The following PTPRG variants were observed in gnomAD, a reference collection of about 807,000 sequenced individuals.
PTPRG encodes the protein receptor-type tyrosine-protein phosphatase gamma.
In PTPRG, 102 loss-of-function variants were observed where a neutral mutation model predicts 165.3. The observed-to-expected ratio is 0.62, with a 90% CI of 0.53 to 0.73. PTPRG has a LOEUF of 0.73. PTPRG is among the 30% of genes least tolerant of loss of function. The pLI is 0.00. For synonymous variants in PTPRG, 675 were observed against 669.5 expected (o/e 1.01, Z -0.13); for missense variants, 1,866 against 1,861.4 (o/e 1.00, Z -0.05).
intron 1 of PTPRG, among the ~76,000 whole-genome samples, chr3:61,565,939 G>T (rs376031314): frequency 1.3e-5 from 2 of 151,640 alleles, no homozygotes; most frequent in Admixed American, 6.6e-5. Flanking sequence ...GATTGTACAG[G>T]TTTTTTTTCC....
rs192453285 is a variant in PTPRG at position 61,708,890 on chromosome 3, C to T, written c.86-39988C>T. 7.2e-5 allele frequency among the ~76,000 whole-genome samples: 11 copies of T among 152,294 alleles called. No individual in the cohort carries two copies. The East Asian group carries it at 9.6e-4, about 13-fold the overall frequency. On this transcript the variant is annotated intron_variant, in intron 1 of 29. Coordinates refer to ENST00000474889, the MANE Select transcript of PTPRG (RefSeq NM_002841.4). ...AAGGTGGTTTAGAGCCTTTCAGGGG[C>T]GCACTTGCCCTAAACCAAAATCAAA...
chr3:61,576,897 A>C (rs1700184240), intron 1 of PTPRG, among the ~76,000 whole-genome samples: 1 of 152,122 alleles, frequency 6.6e-6, no homozygotes, highest in Admixed American at 6.5e-5. Flanking sequence ...TCACTTGCTT[A>C]TTTTTCCTTC....
intron 8 of PTPRG, among the ~76,000 whole-genome samples, chr3:62,180,807 G>A (rs1464403903): frequency 6.6e-6 from 1 of 152,158 alleles, no homozygotes; most frequent in Non-Finnish European, 1.5e-5. Context: ...GTAGAAAAAA[G>A]AATCCAAGGA....
chr3:62,209,770 G>C (rs1023087179), intron 12 of PTPRG, among the ~76,000 whole-genome samples: 1 of 152,180 alleles, frequency 6.6e-6, no homozygotes, highest in Admixed American at 6.5e-5. Context: ...GGTCCTTGGA[G>C]TTTCTATTGC....
intron 6 of PTPRG, among the ~76,000 whole-genome samples, chr3:62,139,373 C>T (rs1053981142): frequency 9.2e-5 from 14 of 152,046 alleles, no homozygotes; most frequent in African/African-American, 3.1e-4. Context: ...GCAGGAGAAT[C>T]GCTTGAACCT....
At chr3:61,793,457 C>T (rs1176516343) in intron 2 of PTPRG, among the ~76,000 whole-genome samples, 2 of 152,164 alleles carry the variant, frequency 1.3e-5, no homozygotes, top group East Asian at 1.9e-4. Context: ...TGGCAACTTC[C>T]TGGCCTAGAA....
intron 1 of PTPRG, among the ~76,000 whole-genome samples, chr3:61,579,373 G>A (rs927355621): frequency 6.6e-6 from 1 of 152,208 alleles, no homozygotes; most frequent in African/African-American, 2.4e-5. Context: ...TTCACCAGGG[G>A]TGAGGGAGGG....
In PTPRG at chr3:61,968,948, CTG is replaced by C. The variant is rs772084612; in HGVS notation, c.191-20675_191-20674del. 5.3e-5 allele frequency among the ~76,000 whole-genome samples: 8 copies of C among 152,314 alleles called. No individual in the cohort carries two copies. The South Asian group carries it at 6.2e-4, about 12-fold the overall frequency. On this transcript the variant is annotated intron_variant, in intron 2 of 29. Transcript: ENST00000474889. Reference sequence around the variant, plus strand: ...TTTGAGACATGGTGTTGTCTGTACTCTGTACATTTTACTGAACAGATGATGTC... The same window carrying C: ...TTTGAGACATGGTGTTGTCTGTACTCTACATTTTACTGAACAGATGATGTC...
At chr3:61,833,978 G>T (rs1415183144) in intron 2 of PTPRG, among the ~76,000 whole-genome samples, 1 of 152,118 alleles carries the variant, frequency 6.6e-6, no homozygotes, top group African/African-American at 2.4e-5. Context: ...TACTTTATTG[G>T]CTTCAATTAG....
chr3:61,562,356 T>C lies in PTPRG; in HGVS notation c.69T>C (p.Tyr23=), dbSNP rs1170625687. 1.2e-6 allele frequency: 2 copies of C among 1,613,626 alleles called. No individual in the cohort carries two copies. Among genetic ancestry groups the C allele is most frequent in the Non-Finnish European group, 1.7e-6 (2 of 1,179,666 alleles). ...AAATCACCAGTTCCGTGCTCCATTA[T>C]GTCGTGTGCTTCCCCGGTGAGTGCC... ...FLKITSSVLH[Y]VVCFPALTEG... Residue 23 remains tyrosine (Y), a synonymous_variant, in exon 1 of 30, where the codon TAT becomes TAC. Transcript: ENST00000474889.
intron 2 of PTPRG, among the ~76,000 whole-genome samples, chr3:61,836,858 C>T (rs374566840): frequency 2.0e-5 from 3 of 150,508 alleles, no homozygotes; most frequent in East Asian, 3.9e-4. Context: ...AGTTCTCCTG[C>T]GTCAGCCTCC....
intron 2 of PTPRG, among the ~76,000 whole-genome samples, chr3:61,974,428 C>T (rs1436352845): frequency 1.3e-5 from 2 of 152,042 alleles, no homozygotes; most frequent in Non-Finnish European, 2.9e-5. Flanking sequence ...TGGCTGGTTC[C>T]TGTAATCCCA....
chr3:62,271,475 T>C lies in PTPRG; in HGVS notation c.3102T>C (p.Tyr1034=). 1 of 1,614,042 alleles carries C rather than the reference T, an allele frequency of 6.2e-7. No homozygotes were observed. Among genetic ancestry groups the C allele is most frequent in the Non-Finnish European group, 8.5e-7 (1 of 1,179,886 alleles). The change falls in exon 21 of 30, where the codon TAT becomes TAC. Residue 1034 remains tyrosine, a synonymous_variant. Coordinates refer to ENST00000474889, the MANE Select transcript of PTPRG (RefSeq NM_002841.4). The surrounding 1 kb of genome is among the most constrained non-coding windows in gnomAD (Gnocchi z 4.1). ...TQWPDMGVPE[Y]ALPVLTFVRR... is the part of the protein sequence containing the mutation. ...GGCCTGACATGGGAGTTCCCGAGTATGCCCTTCCAGTACTGACTTTCGTGA... is the reference window on the plus strand; with the variant it reads ...GGCCTGACATGGGAGTTCCCGAGTACGCCCTTCCAGTACTGACTTTCGTGA...
chr3:61,735,593 C>T lies in PTPRG; in HGVS notation c.86-13285C>T, dbSNP rs141357325. Among the ~76,000 whole-genome samples, 5 of 151,540 alleles carry T rather than the reference C, an allele frequency of 3.3e-5. No individual in the cohort carries two copies. In the East Asian group the frequency reaches 7.8e-4, roughly 24 times the overall value. ...CTACATTGATTGAATCAAACAAAGC[C>T]GATGAGAGGCCTGTGTTTGAGGGGG... On this transcript the variant is annotated intron_variant, in intron 1 of 29. Transcript: ENST00000474889.
intron 2 of PTPRG, among the ~76,000 whole-genome samples, chr3:61,867,515 A>C (rs1483907624): frequency 6.6e-6 from 1 of 152,010 alleles, no homozygotes; most frequent in African/African-American, 2.4e-5. Flanking sequence ...TGAGGCATGC[A>C]TTAAGCCCTT....
At chr3:61,801,591 G>GA (rs2035243562) in intron 2 of PTPRG, among the ~76,000 whole-genome samples, 1 of 152,058 alleles carries the variant, frequency 6.6e-6, no homozygotes, top group South Asian at 2.1e-4. Context: ...TGTCATAATG[G>GA]AAAAAATGGA....
In PTPRG at chr3:62,297,460, T is replaced by C. The variant is rs1299188859; in HGVS notation, c.*4153T>C. On this transcript the variant is annotated 3_prime_UTR_variant, in exon 30 of 30. Transcript: ENST00000474889. ...TTTGGAAAAAGTGTGCTTTTTTTTT[T>C]TTTTTAAATTTGTTCAGGGGGAGGG... 6.6e-6 allele frequency: 1 copy of C among 151,932 alleles called. No homozygotes were observed. Among genetic ancestry groups the C allele is most frequent in the East Asian group, 1.9e-4 (1 of 5,198 alleles). The allele number at this position is 151,932 out of a possible 1,614,324, so 9.4% of individuals were successfully genotyped here.
chr3:62,078,937 G>C (rs944294218), intron 5 of PTPRG, among the ~76,000 whole-genome samples: 2 of 152,164 alleles, frequency 1.3e-5, no homozygotes, highest in African/African-American at 4.8e-5. Context: ...AGGAGACCTT[G>C]GTGCTTTTTA....
chr3:62,242,792 A>G (rs2106949738), intron 14 of PTPRG, among the ~76,000 whole-genome samples: 1 of 152,298 alleles, frequency 6.6e-6, no homozygotes, highest in South Asian at 2.1e-4. Context: ...CTTATCTGGT[A>G]GTTGGAATAC....
Sources: allele counts gnomAD v4.1 joint callset (sites outside exome capture counted in the v4.1 genomes callset), GRCh38; gene constraint gnomAD v4.1.1; non-coding constraint Gnocchi (gnomAD v3.1); transcripts MANE v1.5; gene names NCBI Gene and HGNC (gene_info 2026-07-23, HGNC 2026-07-21).